The following TTLL7 variants were observed in gnomAD, a reference collection of about 807,000 sequenced individuals.
The protein encoded by TTLL7 is tubulin tyrosine ligase like 7.
A neutral mutation model predicts 120.2 loss-of-function variants in TTLL7; 53 were observed. The observed-to-expected ratio is 0.44, with a 90% CI of 0.35 to 0.55. The LOEUF (loss-of-function observed/expected upper bound fraction) is 0.55. Among genes scored for constraint, TTLL7 ranks in the 20% least tolerant of loss-of-function variants. The pLI, the probability that TTLL7 is intolerant of heterozygous loss-of-function variation, is 0.00. For synonymous variants in TTLL7, 353 were observed against 351.7 expected (o/e 1.00, Z -0.04); for missense variants, 803 against 1,054.7 (o/e 0.76, Z 3.31).
intron 1 of TTLL7, among the ~76,000 whole-genome samples, chr1:83,998,500 A>C (rs1356289301): frequency 6.6e-6 from 1 of 152,248 alleles, no homozygotes; most frequent in Non-Finnish European, 1.5e-5. Flanking sequence ...CTTCACTCGC[A>C]TGTGCGAAAA....
intron 1 of TTLL7, among the ~76,000 whole-genome samples, chr1:83,978,267 G>A (rs1051202237): frequency 6.6e-6 from 1 of 152,016 alleles, no homozygotes; most frequent in Non-Finnish European, 1.5e-5. Context: ...TGTGCCCGAG[G>A]GAATATATGA....
intron 1 of TTLL7, among the ~76,000 whole-genome samples, chr1:83,971,616 CTTGCTGGAGT>C (rs1650992738): frequency 6.6e-6 from 1 of 152,060 alleles, no homozygotes; most frequent in Non-Finnish European, 1.5e-5. Context: ...CTCTACTGCA[CTTGCTGGAGT>C]TTGCTAGCCT....
chr1:83,963,491 T>G (rs2100546179), intron 1 of TTLL7, among the ~76,000 whole-genome samples: 1 of 152,232 alleles, frequency 6.6e-6, no homozygotes, highest in South Asian at 2.1e-4. Context: ...AAATTCATGT[T>G]TTTTGCTTAA....
intron 1 of TTLL7, among the ~76,000 whole-genome samples, chr1:83,987,686 A>T (rs1427955647): frequency 6.6e-6 from 1 of 152,198 alleles, no homozygotes; most frequent in Non-Finnish European, 1.5e-5. Flanking sequence ...AAGCAAAAAT[A>T]AACAAATGGG....
intron 15 of TTLL7, among the ~76,000 whole-genome samples, chr1:83,908,704 G>C (rs951097685): frequency 6.6e-6 from 1 of 151,584 alleles, no homozygotes; most frequent in Non-Finnish European, 1.5e-5. Flanking sequence ...TATATCCTCT[G>C]TTCTGTATTC....
intron 15 of TTLL7, among the ~76,000 whole-genome samples, chr1:83,909,477 C>T (rs1231605202): frequency 6.6e-6 from 1 of 151,828 alleles, no homozygotes; most frequent in Non-Finnish European, 1.5e-5. Context: ...ATCATCAGCA[C>T]TACTCTGAAG....
At chr1:83,990,300 T>C (rs915396512) in intron 1 of TTLL7, among the ~76,000 whole-genome samples, 6 of 151,448 alleles carry the variant, frequency 4.0e-5, no homozygotes, top group Non-Finnish European at 7.4e-5. Flanking sequence ...CTCAGCCTCC[T>C]GAGTAGCTGG....
Position 83,947,292 on chromosome 1 carries a change from G to C in TTLL7, c.348-10C>G, listed in dbSNP as rs373955786. The C allele has an allele frequency of 7.2e-5, 114 of 1,577,222 alleles. No individual in the cohort carries two copies. The East Asian group carries it at 2.1e-3, about 29-fold the overall frequency. On this transcript the variant is annotated splice_polypyrimidine_tract_variant and intron_variant, in intron 5 of 20. Coordinates refer to ENST00000260505, the MANE Select transcript of TTLL7 (RefSeq NM_024686.6). ...CCGAGACTTGATCATTCTGTAAATT[G>C]GACATAATAGGAAAAATAATTTCTA...
chr1:83,982,649 G>A (rs185708339), intron 1 of TTLL7, among the ~76,000 whole-genome samples: 73 of 152,136 alleles, frequency 4.8e-4, no homozygotes, highest in African/African-American at 1.5e-3. Flanking sequence ...GAAAGAAATC[G>A]GAGATAACAC....
intron 15 of TTLL7, 33 bp downstream of exon 15, chr1:83,911,132 A>T (rs759497218): frequency 1.9e-6 from 3 of 1,539,102 alleles, no homozygotes; most frequent in South Asian, 1.1e-5. Flanking sequence ...ATAATTCTTT[A>T]TATAACATCT....
At chr1:83,874,718 G>T (rs553627504) in intron 20 of TTLL7, among the ~76,000 whole-genome samples, 18 of 151,834 alleles carry the variant, frequency 1.2e-4, no homozygotes, top group South Asian at 4.2e-4. Flanking sequence ...TCAATTTTTT[G>T]GGGGGAAAAG....
At chr1:83,920,331 G>C (rs1193138121) in intron 12 of TTLL7, among the ~76,000 whole-genome samples, 5 of 151,938 alleles carry the variant, frequency 3.3e-5, no homozygotes, top group African/African-American at 1.2e-4. Flanking sequence ...AGGTAATAAG[G>C]GATACTGCAG....
chr1:83,959,657 A>G (rs1404766317), intron 1 of TTLL7, among the ~76,000 whole-genome samples: 1 of 152,110 alleles, frequency 6.6e-6, no homozygotes, highest in Non-Finnish European at 1.5e-5. Context: ...ATCCACCAAA[A>G]ATAATTAAAC....
At chr1:83,906,137 G>T (rs1170879887) in intron 17 of TTLL7, among the ~76,000 whole-genome samples, 192 bp downstream of exon 17, 1 of 151,994 alleles carries the variant, frequency 6.6e-6, no homozygotes, top group African/African-American at 2.4e-5. Flanking sequence ...ATTATAATCT[G>T]ATCTCACTGT....
chr1:83,911,219 G>C lies in TTLL7; in HGVS notation c.1732C>G (p.Gln578Glu). 1 of 1,613,102 alleles carries C rather than the reference G, an allele frequency of 6.2e-7. No homozygotes were observed. Among genetic ancestry groups the C allele is most frequent in the Non-Finnish European group, 8.5e-7 (1 of 1,179,246 alleles). ...GAGGGTTTAAGATTATATGTAACTT[G>C]CTTTTCTCTTTTCTTATTTTGGTAC... ...EEYQNKKREK[Q>E]VTYNLKPSNH... The change falls in exon 15 of 21, where the codon CAA (glutamine) becomes GAA (glutamate). Residue 578 changes from glutamine (Q) to glutamate (E), a missense_variant. This residue lies in a region of TTLL7 where 388 missense variants were observed against 450.4 expected (regional missense o/e 0.86). Transcript: ENST00000260505.
intron 19 of TTLL7, among the ~76,000 whole-genome samples, chr1:83,889,776 C>G (rs1241323471): frequency 6.6e-6 from 1 of 151,828 alleles, no homozygotes; most frequent in Non-Finnish European, 1.5e-5. Context: ...GGGAATGTGA[C>G]AGAAAAATAA....
At chr1:83,931,038 A>C (rs1430981239) in intron 9 of TTLL7, among the ~76,000 whole-genome samples, 1 of 151,090 alleles carries the variant, frequency 6.6e-6, no homozygotes, top group East Asian at 1.9e-4. Flanking sequence ...AAAGGTAAAG[A>C]AAAAAAATAA....
At chr1:83,887,281 G>A (rs180863301) in intron 19 of TTLL7, 85 of 1,166,892 alleles carry the variant, frequency 7.3e-5, no homozygotes, top group African/African-American at 5.2e-4. Flanking sequence ...GATTTTACAC[G>A]TAACTGTGAA....
chr1:83,948,648 G>T lies in TTLL7; in HGVS notation c.327C>A (p.Phe109Leu). 6.2e-7 allele frequency: 1 copy of T among 1,610,822 alleles called. No individual in the cohort carries two copies. Among genetic ancestry groups the T allele is most frequent in the South Asian group, 1.1e-5 (1 of 90,642 alleles). ...PGMGEICRKD[F>L]LARNMTKMIK... ...ATTACTTGGTCATATTTCTTGCTAA[G>T]AAATCCTTCCTACAGATCTCCCCCA... The change falls in exon 5 of 21, where the codon TTC (phenylalanine) becomes TTA (leucine). Residue 109 changes from phenylalanine to leucine, a missense_variant. Phe to Leu is a conservative substitution (Grantham distance 22). This residue lies in a region of TTLL7 where 324 missense variants were observed against 507.7 expected (regional missense o/e 0.64). Transcript: ENST00000260505.
Sources: gnomAD v4.1 joint callset for allele counts (sites outside exome capture counted in the v4.1 genomes callset) on GRCh38, gnomAD v4.1.1 for gene constraint, gnomAD v4.1.1 regional missense constraint, MANE v1.5 for transcripts, NCBI Gene and HGNC (gene_info 2026-07-23, HGNC 2026-07-21) for gene names.